APOOL: variants seen among roughly 807,000 people sequenced by gnomAD.
APOOL encodes apolipoprotein O like.
APOOL carries 12 observed loss-of-function variants against 23.1 expected under a neutral mutation model. The ratio of observed to expected loss-of-function variants is 0.52; its 90% CI spans 0.33 to 0.84. APOOL has a LOEUF of 0.84. APOOL is among the 40% of genes least tolerant of loss of function. The pLI is 0.02. For missense variants in APOOL, 212 were observed against 199.6 expected, an observed-to-expected ratio of 1.06 and a Z score of -0.37; for synonymous variants, 77 against 69.9, an observed-to-expected ratio of 1.10 and a Z score of -0.51.
intron 1 of APOOL, among the ~76,000 whole-genome samples, chrX:85,038,280 C>G (rs1922283268): frequency 9.0e-6 from 1 of 110,806 alleles, no homozygotes; most frequent in Admixed American, 9.6e-5. Context: ...TAGATGTTTT[C>G]CTAGATTTGG....
At chrX:85,040,274 C>A (rs1399517436) in intron 1 of APOOL, among the ~76,000 whole-genome samples, 2 of 112,031 alleles carry the variant, frequency 1.8e-5, no homozygotes, top group Non-Finnish European at 3.8e-5. Context: ...CCACTCTTAG[C>A]CTGATGGAAC....
chrX:85,063,245 CT>C (rs1923304938), intron 5 of APOOL, among the ~76,000 whole-genome samples: 1 of 111,740 alleles, frequency 8.9e-6, no homozygotes, highest in Non-Finnish European at 1.9e-5. Context: ...TGCTTATCAG[CT>C]TAAGAAGCTT....
chrX:85,022,280 CAAG>C (rs771475322), intron 1 of APOOL, among the ~76,000 whole-genome samples: 22 of 112,015 alleles, frequency 2.0e-4, no homozygotes, highest in African/African-American at 7.1e-4. Flanking sequence ...AAGGATACAA[CAAG>C]AAAAGAAAAT....
At chrX:85,038,524 G>GTTTTTTTTTTTTTTTTTTTTTTTT (rs56248244) in intron 1 of APOOL, among the ~76,000 whole-genome samples, 1 of 43,445 alleles carries the variant, frequency 2.3e-5, no homozygotes, top group African/African-American at 1.1e-4. Context: ...TCTGGTACAA[G>GTTTTTTTTTTTTTTTTTTTTTTTT]TTTTTTTTTT....
intron 5 of APOOL, among the ~76,000 whole-genome samples, chrX:85,060,727 T>G (rs934605610): frequency 2.7e-5 from 3 of 111,773 alleles, no homozygotes; most frequent in African/African-American, 9.8e-5. Flanking sequence ...GTACATTGAT[T>G]TTTCTATCCT....
intron 1 of APOOL, among the ~76,000 whole-genome samples, chrX:85,012,994 A>G (rs748501832): frequency 1.8e-5 from 2 of 111,328 alleles, no homozygotes; most frequent in Non-Finnish European, 3.8e-5. Context: ...TTTGTTGGCA[A>G]TTTTTAAATT....
intron 1 of APOOL, among the ~76,000 whole-genome samples, chrX:85,016,554 C>T (rs765425150): frequency 9.0e-6 from 1 of 110,968 alleles, no homozygotes; most frequent in African/African-American, 3.3e-5. Flanking sequence ...GAGTGTACTC[C>T]TCTTACGGGG....
chrX:85,080,067 G>C (rs59508456), intron 8 of APOOL, among the ~76,000 whole-genome samples: 52 of 111,437 alleles, frequency 4.7e-4, no homozygotes, highest in Middle Eastern at 4.7e-3. Context: ...ATTTTTTGAA[G>C]GGTTTTTTGT....
chrX:85,039,102 A>G (rs1922323438), intron 1 of APOOL, among the ~76,000 whole-genome samples: 4 of 110,802 alleles, frequency 3.6e-5, no homozygotes, highest in African/African-American at 1.3e-4. Flanking sequence ...GGTATGTTGT[A>G]TCTTTGTTTT....
intron 6 of APOOL, among the ~76,000 whole-genome samples, chrX:85,071,033 G>A (rs1923649145): frequency 9.0e-6 from 1 of 111,585 alleles, no homozygotes; most frequent in Admixed American, 9.6e-5. Flanking sequence ...GGATAACCCA[G>A]AGGACATTAT....
chrX:85,055,683 ATT>A, intron 4 of APOOL, 142 bp from the exon 5 acceptor site: 1 of 371,838 alleles, frequency 2.7e-6, no homozygotes, highest in Non-Finnish European at 4.4e-6. Context: ...TGCTACTCAT[ATT>A]GTCATTATAT....
chrX:85,076,066 G>T (rs1052140675), intron 8 of APOOL, among the ~76,000 whole-genome samples: 2 of 110,708 alleles, frequency 1.8e-5, no homozygotes, highest in Non-Finnish European at 3.8e-5. Flanking sequence ...AGAAGAGAGG[G>T]AAGCAGGCTC....
At chrX:85,029,401 G>A (rs1415237248) in intron 1 of APOOL, among the ~76,000 whole-genome samples, 1 of 111,981 alleles carries the variant, frequency 8.9e-6, no homozygotes, top group African/African-American at 3.2e-5. Context: ...TAGGTAATGT[G>A]CACAACACTA....
At chrX:85,083,781 CAT>C (rs1217938723) in intron 8 of APOOL, among the ~76,000 whole-genome samples, 1 of 111,517 alleles carries the variant, frequency 9.0e-6, no homozygotes, top group African/African-American at 3.3e-5. Context: ...AATGAGATAA[CAT>C]GTGAACTAAA....
Position 85,087,905 on chromosome X carries a change from A to G in APOOL, c.*227A>G. On this transcript the variant is annotated 3_prime_UTR_variant, in exon 9 of 9. Coordinates refer to ENST00000373173, the MANE Select transcript of APOOL (RefSeq NM_198450.6). ...AAATGATTGATGAGGAGACTTAGGT[A>G]GAAGTATTAGCTTGCATTTGATGAC... The G allele has an allele frequency of 3.7e-6, 1 of 272,235 alleles. No homozygotes were observed. Among genetic ancestry groups the G allele is most frequent in the Non-Finnish European group, 6.5e-6 (1 of 153,805 alleles). The allele number at this position is 272,235 out of a possible 1,213,427, so 22.4% of individuals were successfully genotyped here.
At chrX:85,057,567 CTCATCTGAATGGATGATATATATATATG>C (rs1393327186) in intron 5 of APOOL, among the ~76,000 whole-genome samples, 1 of 103,794 alleles carries the variant, frequency 9.6e-6, no homozygotes, top group East Asian at 3.0e-4. Flanking sequence ...ATATATATAT[CTCATCTGAATGGATGATATATATATATG>C]TCATCTGAAT....
At chrX:85,047,887 A>C (rs1254494802) in intron 2 of APOOL, among the ~76,000 whole-genome samples, 1 of 111,912 alleles carries the variant, frequency 8.9e-6, no homozygotes, top group Non-Finnish European at 1.9e-5. Flanking sequence ...GACATTGGCC[A>C]GAATTCTTAA....
chrX:85,070,877 T>C (rs1172047867), intron 6 of APOOL, among the ~76,000 whole-genome samples: 3 of 111,263 alleles, frequency 2.7e-5, no homozygotes, highest in African/African-American at 9.8e-5. Context: ...CCATGTTCAT[T>C]GCAGCATTAT....
intron 5 of APOOL, among the ~76,000 whole-genome samples, chrX:85,060,276 T>C (rs1399300109): frequency 1.4e-4 from 15 of 105,269 alleles, no homozygotes; most frequent in African/African-American, 4.5e-4. Context: ...TTTTGGTTAC[T>C]GTAGCCTTGT....
Sources: allele counts gnomAD v4.1 joint callset (sites outside exome capture counted in the v4.1 genomes callset), GRCh38; gene constraint gnomAD v4.1.1; transcripts MANE v1.5; gene names NCBI Gene and HGNC (gene_info 2026-07-23, HGNC 2026-07-21).